The following CHSY3 variants were observed in gnomAD, a reference collection of about 807,000 sequenced individuals.
CHSY3 encodes chondroitin sulfate synthase 3.
In CHSY3, 35 loss-of-function variants were observed where a neutral mutation model predicts 67.2. That is an observed-to-expected ratio of 0.52 (90% CI 0.40 to 0.69). CHSY3 has a LOEUF of 0.69. Among genes scored for constraint, CHSY3 ranks in the 30% least tolerant of loss-of-function variants. The pLI is 0.00. For synonymous variants in CHSY3, 474 were observed against 434.7 expected (o/e 1.09, Z -1.12); for missense variants, 1,069 against 1,138.5 (o/e 0.94, Z 0.88).
intron 2 of CHSY3, among the ~76,000 whole-genome samples, chr5:130,107,840 G>A (rs894998533): frequency 1.3e-5 from 2 of 151,572 alleles, no homozygotes; most frequent in Non-Finnish European, 3.0e-5. Flanking sequence ...ACTCAAATCA[G>A]TTGGCTGCTT....
intron 2 of CHSY3, among the ~76,000 whole-genome samples, chr5:130,008,036 A>G (rs1295475535): frequency 6.6e-6 from 1 of 152,000 alleles, no homozygotes; most frequent in Non-Finnish European, 1.5e-5. Flanking sequence ...CCTCCCCCAC[A>G]CCACTTTGCC....
chr5:129,951,157 A>G (rs1345043432), intron 2 of CHSY3, among the ~76,000 whole-genome samples: 1 of 152,210 alleles, frequency 6.6e-6, no homozygotes, highest in Non-Finnish European at 1.5e-5. Context: ...GAGCCTCTTT[A>G]ATAAATAGTG....
Position 130,185,791 on chromosome 5 carries a change from A to G in CHSY3, c.2649A>G (p.Ter883TrpextTer35). The change falls in exon 3 of 3, where the codon TGA (stop) becomes TGG (tryptophan). Residue 883 changes from the stop codon to tryptophan (W), a stop_lost. Transcript: ENST00000305031. ...LGVRYNRTLS[*>W] ...TCAGGTACAATCGAACTCTCTCCTG[A>G]CAGTCCAGGCAACACATTTTGCCTT... is the stretch of plus-strand genomic sequence containing the variant. 1 of 1,579,842 alleles carries G rather than the reference A, an allele frequency of 6.3e-7. No homozygotes were observed. Among genetic ancestry groups the G allele is most frequent in the Non-Finnish European group, 8.6e-7 (1 of 1,160,740 alleles).
chr5:129,938,091 C>T (rs760685152), intron 2 of CHSY3, among the ~76,000 whole-genome samples: 1 of 152,222 alleles, frequency 6.6e-6, no homozygotes, highest in Non-Finnish European at 1.5e-5. Context: ...GCCCTCTGTG[C>T]ACCCAGAGGC....
intron 2 of CHSY3, among the ~76,000 whole-genome samples, chr5:130,059,379 C>T (rs1455924995): frequency 6.7e-6 from 1 of 148,818 alleles, no homozygotes; most frequent in Non-Finnish European, 1.5e-5. Flanking sequence ...TTTCTCTGTT[C>T]TCTCTCTACC....
intron 2 of CHSY3, among the ~76,000 whole-genome samples, chr5:130,137,576 T>A (rs1015071292): frequency 6.6e-6 from 1 of 152,226 alleles, no homozygotes; most frequent in Non-Finnish European, 1.5e-5. Context: ...AAGAATAGTC[T>A]TCTCTTTCAT....
At chr5:130,152,264 C>T (rs553476935) in intron 2 of CHSY3, among the ~76,000 whole-genome samples, 1 of 152,230 alleles carries the variant, frequency 6.6e-6, no homozygotes, top group Non-Finnish European at 1.5e-5. Flanking sequence ...ATTTGCAAAC[C>T]TTGTGACCAT....
chr5:129,933,944 T>A (rs1753895108), intron 2 of CHSY3, among the ~76,000 whole-genome samples: 3 of 152,164 alleles, frequency 2.0e-5, no homozygotes, highest in Admixed American at 2.0e-4. Context: ...AATGGACACT[T>A]AAAATTTCAG....
chr5:129,929,045 T>G (rs764699073), intron 2 of CHSY3, among the ~76,000 whole-genome samples: 9 of 152,180 alleles, frequency 5.9e-5, no homozygotes, highest in Non-Finnish European at 1.2e-4. Context: ...GTTCAAAGAA[T>G]GGCATTTCAT....
At chr5:129,988,816 A>AT (rs1302207920) in intron 2 of CHSY3, among the ~76,000 whole-genome samples, 1 of 152,078 alleles carries the variant, frequency 6.6e-6, no homozygotes, top group Non-Finnish European at 1.5e-5. Context: ...CTAAAATGTG[A>AT]TTTTTCTAGA....
In CHSY3 at chr5:129,905,311, G is replaced by T. The variant is rs1383185867; in HGVS notation, c.482G>T (p.Gly161Val). 2 of 1,506,038 alleles carry T rather than the reference G, an allele frequency of 1.3e-6. No individual in the cohort carries two copies. The highest frequency in any genetic ancestry group is 1.8e-6 in the Non-Finnish European group (2 of 1,132,432). The allele number at this position is 1,506,038 out of a possible 1,614,324, so 93.3% of individuals were successfully genotyped here. Residue 161 changes from glycine to valine, a missense_variant, in exon 1 of 3, where the codon GGC becomes GTC. Coordinates refer to ENST00000305031, the MANE Select transcript of CHSY3 (RefSeq NM_175856.5). ...AGCCACAACGGCAGCGGGGACGGGG[G>T]CGCTGCCGCCCCGAGCGCCCGACCC... is the stretch of plus-strand genomic sequence containing the variant. ...GSSHNGSGDGGAAAPSARPRD... is the reference protein window; with the variant it reads ...GSSHNGSGDGVAAAPSARPRD...
At chr5:130,007,876 G>C (rs1345053311) in intron 2 of CHSY3, among the ~76,000 whole-genome samples, 1 of 152,114 alleles carries the variant, frequency 6.6e-6, no homozygotes, top group East Asian at 1.9e-4. Flanking sequence ...CAGTGTCCCT[G>C]TCTGGCCACA....
chr5:130,068,406 G>A (rs898259871), intron 2 of CHSY3, among the ~76,000 whole-genome samples: 9 of 152,048 alleles, frequency 5.9e-5, no homozygotes, highest in African/African-American at 1.9e-4. Flanking sequence ...CTTCAGTTGT[G>A]CTGATTTCCT....
chr5:130,163,890 G>T (rs1769642541), intron 2 of CHSY3, among the ~76,000 whole-genome samples: 1 of 152,182 alleles, frequency 6.6e-6, no homozygotes, highest in African/African-American at 2.4e-5. Context: ...AGTTGACAGA[G>T]GATGCATCTA....
intron 2 of CHSY3, among the ~76,000 whole-genome samples, chr5:129,954,591 A>T (rs1166282892): frequency 6.6e-6 from 1 of 152,030 alleles, no homozygotes; most frequent in African/African-American, 2.4e-5. Flanking sequence ...CATTTTCACA[A>T]TATTGATTCT....
intron 2 of CHSY3, among the ~76,000 whole-genome samples, chr5:130,010,443 G>T (rs1205032384): frequency 6.6e-6 from 1 of 151,980 alleles, no homozygotes; most frequent in Non-Finnish European, 1.5e-5. Flanking sequence ...ATGCAAACAG[G>T]GATACAATAC....
At chr5:130,182,315 T>C (rs1387135349) in intron 2 of CHSY3, among the ~76,000 whole-genome samples, 1 of 152,062 alleles carries the variant, frequency 6.6e-6, no homozygotes, top group Non-Finnish European at 1.5e-5. Context: ...CTCATTCAGG[T>C]TTTCTTTGTC....
At chr5:130,127,272 A>G (rs944604707) in intron 2 of CHSY3, among the ~76,000 whole-genome samples, 1 of 152,138 alleles carries the variant, frequency 6.6e-6, no homozygotes, top group African/African-American at 2.4e-5. Flanking sequence ...TAATATTTCC[A>G]AATTAAGCCC....
At position 130,071,465 on chromosome 5, in the gene CHSY3, A is replaced by G. The variant is rs144230579; in HGVS notation, c.1087-112764A>G. Among the ~76,000 whole-genome samples, 150 of 152,124 alleles carry G rather than the reference A, an allele frequency of 9.9e-4. 1 individual carries two copies. Among genetic ancestry groups the G allele is most frequent in the African/African-American group, 3.0e-3 (123 of 41,558 alleles). Reference sequence around the variant, plus strand: ...AAGACTCATATCTGTGGGAGAAAACAAAACAGTTTATTTTGCCTCATAAAA... The same window carrying G: ...AAGACTCATATCTGTGGGAGAAAACGAAACAGTTTATTTTGCCTCATAAAA... On this transcript the variant is annotated intron_variant, in intron 2 of 2. Coordinates refer to ENST00000305031, the MANE Select transcript of CHSY3 (RefSeq NM_175856.5).
Sources: allele counts gnomAD v4.1 joint callset (sites outside exome capture counted in the v4.1 genomes callset), GRCh38; gene constraint gnomAD v4.1.1; transcripts MANE v1.5; gene names NCBI Gene and HGNC (gene_info 2026-07-23, HGNC 2026-07-21).